GAS6: variants seen among roughly 807,000 people sequenced by gnomAD.
The protein encoded by GAS6 is growth arrest specific 6, also known as growth arrest-specific protein 6.
In GAS6, 41 loss-of-function variants were observed where a neutral mutation model predicts 75.8. That is an observed-to-expected ratio of 0.54 (90% CI 0.42 to 0.70). The LOEUF (loss-of-function observed/expected upper bound fraction) is 0.70. Ranked by LOEUF, GAS6 falls within the 30% of genes least tolerant of loss-of-function variation. The probability of loss-of-function intolerance (pLI) is 0.00; values close to 1 mark genes in which losing one functional copy is unlikely to be tolerated. For synonymous variants in GAS6, 432 were observed against 412.6 expected, an observed-to-expected ratio of 1.05 and a Z score of -0.57; for missense variants, 854 against 940.2, an observed-to-expected ratio of 0.91 and a Z score of 1.20.
At chr13:113,840,179 T>C (rs765929005) in intron 4 of GAS6, 11 of 308,870 alleles carry the variant, frequency 3.6e-5, no homozygotes, top group Non-Finnish European at 6.0e-5. Flanking sequence ...TCCCAGGGAG[T>C]AGGCACACAG....
chr13:113,845,655 A>G lies in GAS6; in HGVS notation c.343+872T>C, dbSNP rs1200440232. 4.3e-5 allele frequency: 6 copies of G among 140,446 alleles called. No homozygotes were observed. Among genetic ancestry groups the G allele is most frequent in the Non-Finnish European group, 8.9e-5 (6 of 67,230 alleles). 8.7% of individuals were successfully genotyped at this position (140,446 alleles called of 1,614,324 possible). On this transcript the variant is annotated intron_variant, in intron 4 of 14. Coordinates refer to ENST00000327773, the MANE Select transcript of GAS6 (RefSeq NM_000820.4). The surrounding 1 kb of genome is among the most constrained non-coding windows in gnomAD (Gnocchi z 4.3). ...CTAATGTGCAAACTCCTACAAATTG[A>G]GAAAAACAGGCAAAAAATATAAACA...
chr13:113,852,474 G>C (rs2051883452), intron 2 of GAS6, among the ~76,000 whole-genome samples: 1 of 152,206 alleles, frequency 6.6e-6, no homozygotes, highest in Non-Finnish European at 1.5e-5. Flanking sequence ...CCCCAGGACA[G>C]GAGCCTGGTC....
chr13:113,852,270 G>A (rs1026986921), intron 2 of GAS6, among the ~76,000 whole-genome samples: 51 of 152,192 alleles, frequency 3.4e-4, no homozygotes, highest in Admixed American at 3.2e-3. Flanking sequence ...TGTGGCCCAC[G>A]GAAGCCAAAA....
chr13:113,842,909 C>T (rs905468555), intron 4 of GAS6: 2 of 396,932 alleles, frequency 5.0e-6, no homozygotes, highest in African/African-American at 4.2e-5. Context: ...AGTGCCTGCT[C>T]CTGCCAGGTG....
Position 113,846,561 on chromosome 13 carries a change from G to A in GAS6, c.309C>T (p.Tyr103=), listed in dbSNP as rs1171439638. ...LDCINKYGSP[Y]TKNSGFATCV... is the part of the protein sequence containing the mutation. ...AGGTGGCGAAGCCTGAGTTTTTGGT[G>A]TACGGAGACCCATACTTGTTGATGC... The change falls in exon 4 of 15, where the codon TAC becomes TAT. Residue 103 remains tyrosine, a synonymous_variant. Transcript: ENST00000327773. The A allele has an allele frequency of 1.2e-6, 2 of 1,614,060 alleles. No individual in the cohort carries two copies. The highest frequency in any genetic ancestry group is 1.7e-6 in the Non-Finnish European group (2 of 1,180,000).
chr13:113,821,044 ATCT>A (rs752249042), intron 14 of GAS6, 26 bp from the exon 15 acceptor site: 21 of 1,601,730 alleles, frequency 1.3e-5, no homozygotes, highest in Non-Finnish European at 8.5e-7. Flanking sequence ...AGAACAACAT[ATCT>A]TAGCTCACCA....
At chr13:113,862,989 C>T (rs369368916) in intron 2 of GAS6, among the ~76,000 whole-genome samples, 28 of 152,220 alleles carry the variant, frequency 1.8e-4, no homozygotes, top group African/African-American at 6.5e-4. Context: ...CATTCCTAAC[C>T]GAGGTGCCGG....
intron 12 of GAS6, among the ~76,000 whole-genome samples, chr13:113,825,874 C>G (rs548086574): frequency 3.3e-4 from 50 of 152,282 alleles, no homozygotes; most frequent in African/African-American, 1.1e-3. Flanking sequence ...CTCCCCTTTG[C>G]TCCGCGTGGA....
At position 113,823,670 on chromosome 13, in the gene GAS6, G is replaced by A. The variant is rs572075008; in HGVS notation, c.1478-120C>T. The stretch of plus-strand genomic sequence containing the variant: ...GGTGGGAAGCTGTGCAGACAGCCCC[G>A]GATCTGGGACGTGATGGAAAACTCA... On this transcript the variant is annotated intron_variant, in intron 12 of 14. Coordinates refer to ENST00000327773, the MANE Select transcript of GAS6 (RefSeq NM_000820.4). 5.0e-4 allele frequency: 491 copies of A among 977,854 alleles called. 11 individuals carry two copies. In the South Asian group the frequency reaches 6.0e-3, roughly 12 times the overall value. The allele number at this position is 977,854 out of a possible 1,614,324, so 60.6% of individuals were successfully genotyped here. A position where few individuals can be genotyped will look rare whatever the true frequency, so the allele number is the denominator to read the frequency against.
At chr13:113,830,210 T>C (rs1276291438) in intron 10 of GAS6, among the ~76,000 whole-genome samples, 3 of 152,142 alleles carry the variant, frequency 2.0e-5, no homozygotes, top group Non-Finnish European at 4.4e-5. Flanking sequence ...AAAAACATGG[T>C]ACAAATTCGG....
At chr13:113,825,479 G>A (rs964416222) in intron 12 of GAS6, among the ~76,000 whole-genome samples, 29 of 152,202 alleles carry the variant, frequency 1.9e-4, no homozygotes, top group African/African-American at 5.8e-4. Context: ...TGTAAGAGAC[G>A]TTACTGGTAT....
intron 10 of GAS6, among the ~76,000 whole-genome samples, chr13:113,830,999 ATACAAGTCTACAAT>A (rs2051623806): frequency 6.6e-6 from 1 of 152,262 alleles, no homozygotes; most frequent in Non-Finnish European, 1.5e-5. Flanking sequence ...CAGGATGGAA[ATACAAGTCTACAAT>A]GTTTCTGAAG....
chr13:113,857,019 G>C (rs1232107343), intron 2 of GAS6, among the ~76,000 whole-genome samples: 3 of 152,220 alleles, frequency 2.0e-5, no homozygotes, highest in Non-Finnish European at 4.4e-5. Flanking sequence ...TCTGAGGGCT[G>C]GCTGGGTCAA....
intron 12 of GAS6, among the ~76,000 whole-genome samples, chr13:113,823,926 G>GCGTGGCCT (rs1337414306): frequency 3.3e-5 from 5 of 152,260 alleles, no homozygotes; most frequent in Admixed American, 2.6e-4. Flanking sequence ...CTCAGAGCGT[G>GCGTGGCCT]CGTGGCCTCG....
At chr13:113,854,122 C>T (rs2051895797) in intron 2 of GAS6, among the ~76,000 whole-genome samples, 1 of 152,218 alleles carries the variant, frequency 6.6e-6, no homozygotes, top group Admixed American at 6.5e-5. Flanking sequence ...CCTCCAAGCT[C>T]ACACCCAGGT....
chr13:113,863,575 C>T lies in GAS6; in HGVS notation c.255G>A (p.Thr85=), dbSNP rs1191350906. The part of the protein sequence containing the change: ...AREVFENDPE[T]DYFYPRYLDC... The stretch of plus-strand genomic sequence containing the variant: ...CGCATCCCGCCCGCCGGCTGCTCAC[C>T]GTCTCGGGGTCGTTCTCGAACACCT... Residue 85 remains threonine (T), a splice_region_variant and synonymous_variant, in exon 2 of 15, where the codon ACG becomes ACA. Transcript: ENST00000327773. This position sits in a 1 kb window ranked among gnomAD's most constrained non-coding sequence, Gnocchi z 9.4. 1 of 1,508,686 alleles carries T rather than the reference C, an allele frequency of 6.6e-7. No homozygotes were observed. The allele number at this position is 1,508,686 out of a possible 1,614,324, so 93.5% of individuals were successfully genotyped here. A position where few individuals can be genotyped will look rare whatever the true frequency, so the allele number is the denominator to read the frequency against.
At chr13:113,859,349 T>C (rs2051949877) in intron 2 of GAS6, among the ~76,000 whole-genome samples, 1 of 151,660 alleles carries the variant, frequency 6.6e-6, no homozygotes. Flanking sequence ...CATGTGTACA[T>C]GTCTGTGTGA....
At chr13:113,850,703 A>T (rs186886032) in intron 2 of GAS6, among the ~76,000 whole-genome samples, 14 of 152,316 alleles carry the variant, frequency 9.2e-5, no homozygotes, top group Non-Finnish European at 1.8e-4. Context: ...TGACAGATGG[A>T]CAGTGGATGA....
chr13:113,826,317 G>A (rs2051537854), intron 12 of GAS6, among the ~76,000 whole-genome samples: 1 of 152,204 alleles, frequency 6.6e-6, no homozygotes. Flanking sequence ...TGTGCCCCTG[G>A]ACGAGTCCTA....
Sources: allele counts gnomAD v4.1 joint callset (sites outside exome capture counted in the v4.1 genomes callset), GRCh38; gene constraint gnomAD v4.1.1; non-coding constraint Gnocchi (gnomAD v3.1); transcripts MANE v1.5; gene names NCBI Gene and HGNC (gene_info 2026-07-23, HGNC 2026-07-21).